MOG: variants seen among roughly 807,000 people sequenced by gnomAD.
MOG encodes the protein myelin oligodendrocyte glycoprotein.
In MOG, 20 loss-of-function variants were observed where a neutral mutation model predicts 35.9. That is an observed-to-expected ratio of 0.56 (90% confidence interval 0.39 to 0.81). The LOEUF is 0.81. MOG is among the 30% of genes least tolerant of loss of function. The pLI is 0.00. For missense variants in MOG, 251 were observed against 301.0 expected, an observed-to-expected ratio of 0.83 and a Z score of 1.23; for synonymous variants, 92 against 114.3, an observed-to-expected ratio of 0.80 and a Z score of 1.25.
At position 29,662,001 on chromosome 6, in the gene MOG, G is replaced by A. The variant is rs1048197991; in HGVS notation, c.436+2335G>A. 7 of 985,230 alleles carry A rather than the reference G, an allele frequency of 7.1e-6. No homozygotes were observed. The highest frequency in any genetic ancestry group is 7.2e-6 in the Non-Finnish European group (6 of 829,930). The allele number at this position is 985,230 out of a possible 1,614,324, so 61.0% of individuals were successfully genotyped here. On this transcript the variant is annotated intron_variant, in intron 2 of 7. Transcript: ENST00000376917. This position sits in a 1 kb window ranked among gnomAD's most constrained non-coding sequence, Gnocchi z 4.2. ...AGGGACGCTTTGTCTAGGCTTTGGA[G>A]CCAGGAAGTTGAGACAAATTTAGGA...
chr6:29,657,663 C>CTTTTTTTTTTTT (rs9278226), intron 1 of MOG, among the ~76,000 whole-genome samples: 5 of 110,044 alleles, frequency 4.5e-5, no homozygotes, highest in Non-Finnish European at 9.0e-5. Flanking sequence ...TTTTTCTTTT[C>CTTTTTTTTTTTT]TTTTTTTTTT....
At chr6:29,667,210 G>C (rs1334102018) in intron 3 of MOG, among the ~76,000 whole-genome samples, 1 of 152,148 alleles carries the variant, frequency 6.6e-6, no homozygotes, top group Admixed American at 6.5e-5. Context: ...ATTGTAGGGA[G>C]GATTAAAGTC....
Position 29,671,581 on chromosome 6 carries a change from T to C in MOG, c.*396T>C. On this transcript the variant is annotated 3_prime_UTR_variant, in exon 8 of 8. Transcript: ENST00000376917. ...TACAGTATGGTAACTTTGCAAATGGTGGTTGTTTCTTCCAAGACTCCAGCC... is the reference window on the plus strand; with the variant it reads ...TACAGTATGGTAACTTTGCAAATGGCGGTTGTTTCTTCCAAGACTCCAGCC... The C allele has an allele frequency of 1.3e-6, 1 of 769,628 alleles. No individual in the cohort carries two copies. The highest frequency in any genetic ancestry group is 2.3e-6 in the Non-Finnish European group (1 of 433,566). The allele number at this position is 769,628 out of a possible 1,614,324, so 47.7% of individuals were successfully genotyped here. A position where few individuals can be genotyped will look rare whatever the true frequency, so the allele number is the denominator to read the frequency against.
At chr6:29,667,519 C>G (rs1206098382) in intron 3 of MOG, 124 bp from the exon 4 acceptor site, 2 of 919,754 alleles carry the variant, frequency 2.2e-6, no homozygotes, top group African/African-American at 3.3e-5. Context: ...TTCCTACTCT[C>G]CTGAGGTTGT....
chr6:29,666,232 C>T lies in MOG; in HGVS notation c.517C>T (p.Leu173Phe), dbSNP rs2127524174. The T allele has an allele frequency of 6.2e-7, 1 of 1,612,132 alleles. No homozygotes were observed. Reference sequence around the variant, plus strand: ...GCTCCTCCTGCAGATCACTGTTGGCCTCATCTTCCTCTGCCTGCAGTACAG... The same window carrying T: ...GCTCCTCCTGCAGATCACTGTTGGCTTCATCTTCCTCTGCCTGCAGTACAG... ...PVLLLQITVG[L>F]IFLCLQYRLR... The change falls in exon 3 of 8, where the codon CTC becomes TTC. Residue 173 changes from leucine (L) to phenylalanine (F), a missense_variant. By Grantham distance (22) the Leu-to-Phe change is conservative. Coordinates refer to ENST00000376917, the MANE Select transcript of MOG (RefSeq NM_206809.4).
chr6:29,659,319 G>C lies in MOG; in HGVS notation c.89G>C (p.Gly30Ala). Reference protein sequence around the residue: ...LLLQVSSSYAGQFRVIGPRHP... With the variant: ...LLLQVSSSYAAQFRVIGPRHP... Reference sequence around the variant, plus strand: ...CTCTTCCTTTTGGTGTCTTGGACAGGGCAGTTCAGAGTGATAGGACCAAGA... The same window carrying C: ...CTCTTCCTTTTGGTGTCTTGGACAGCGCAGTTCAGAGTGATAGGACCAAGA... Residue 30 changes from glycine (G) to alanine (A), a missense_variant and splice_region_variant, in exon 2 of 8, where the codon GGG becomes GCG. Physicochemically the swap from Gly to Ala is moderately conservative, Grantham distance 60. Transcript: ENST00000376917. 6.2e-7 allele frequency: 1 copy of C among 1,612,936 alleles called. No homozygotes were observed. The highest frequency in any genetic ancestry group is 1.3e-5 in the African/African-American group (1 of 74,996).
Position 29,665,277 on chromosome 6 carries a change from G to C in MOG, c.437-875G>C, listed in dbSNP as rs540116121. 7.2e-4 allele frequency among the ~76,000 whole-genome samples: 109 copies of C among 151,784 alleles called. 1 individual carries two copies. The highest frequency in any genetic ancestry group is 2.5e-3 in the African/African-American group (105 of 41,396). ...ACGTCCAGCTAATTTTGTATTTTTA[G>C]TAGAAACAGGGTTTCTCCATGTTGG... On this transcript the variant is annotated intron_variant, in intron 2 of 7. Coordinates refer to ENST00000376917, the MANE Select transcript of MOG (RefSeq NM_206809.4).
At position 29,670,636 on chromosome 6, in the gene MOG, G is replaced by T. The variant is rs1360298307; in HGVS notation, c.710-65G>T. 1 of 1,600,426 alleles carries T rather than the reference G, an allele frequency of 6.2e-7. No homozygotes were observed. The highest frequency in any genetic ancestry group is 8.5e-7 in the Non-Finnish European group (1 of 1,173,470). Reference sequence around the variant, plus strand: ...TGTGGGTCACTCCAAATGTCCATAGGGAGGATGTGGGGAAGGTGCTATTCA... The same window carrying T: ...TGTGGGTCACTCCAAATGTCCATAGTGAGGATGTGGGGAAGGTGCTATTCA... On this transcript the variant is annotated intron_variant, in intron 6 of 7. Coordinates refer to ENST00000376917, the MANE Select transcript of MOG (RefSeq NM_206809.4). The surrounding 1 kb of genome is among the most constrained non-coding windows in gnomAD (Gnocchi z 4.2).
At chr6:29,669,394 G>A (rs900257122) in intron 5 of MOG, among the ~76,000 whole-genome samples, 3 of 151,778 alleles carry the variant, frequency 2.0e-5, no homozygotes, top group African/African-American at 7.3e-5. Context: ...GGGTTCAAGC[G>A]ATTCTCCTGC....
rs1036982002 is a variant in MOG at position 29,657,203 on chromosome 6, A to G, written c.-7A>G. 6.2e-7 allele frequency: 1 copy of G among 1,602,894 alleles called. No individual in the cohort carries two copies. The highest frequency in any genetic ancestry group is 1.3e-5 in the African/African-American group (1 of 74,602). ...GCGGGGGCTCTCTGTCCCCAGGAAC[A>G]GTAGAGATGGCAAGCTTATCAAGAC... On this transcript the variant is annotated 5_prime_UTR_variant, in exon 1 of 8. Coordinates refer to ENST00000376917, the MANE Select transcript of MOG (RefSeq NM_206809.4).
Position 29,667,905 on chromosome 6 carries a change from G to T in MOG, c.573G>T (p.Glu191Asp), listed in dbSNP as rs1386137432. 8.7e-6 allele frequency: 14 copies of T among 1,613,306 alleles called. No homozygotes were observed. The highest frequency in any genetic ancestry group is 5.0e-5 in the Admixed American group (3 of 60,000). The change falls in exon 5 of 8, where the codon GAG (glutamate) becomes GAT (aspartate). Residue 191 changes from glutamate (E) to aspartate (D), a missense_variant and splice_region_variant. Coordinates refer to ENST00000376917, the MANE Select transcript of MOG (RefSeq NM_206809.4). Reference sequence around the variant, plus strand: ...CATTTCCATTTGTTTCTCTTTCAGAGAATCTCCACCGGACTTTTGGTAAGT... The same window carrying T: ...CATTTCCATTTGTTTCTCTTTCAGATAATCTCCACCGGACTTTTGGTAAGT... ...RLRGKLRAEI[E>D]NLHRTFDPHF...
At position 29,657,264 on chromosome 6, in the gene MOG, C is replaced by T. The variant is rs909239151; in HGVS notation, c.55C>T (p.Leu19Phe). 13 of 1,606,248 alleles carry T rather than the reference C, an allele frequency of 8.1e-6. No individual in the cohort carries two copies. Among genetic ancestry groups the T allele is most frequent in the Admixed American group, 1.7e-5 (1 of 59,058 alleles). ...CAGCTGCCTCTGCTCCTTCCTCCTC[C>T]TCCTCCTCCTCCAAGTGTCTTCCAG... ...LPSCLCSFLL[L>F]LLLQVSSSYA... Residue 19 changes from leucine (L) to phenylalanine (F), a missense_variant, in exon 1 of 8, where the codon CTC (leucine) becomes TTC (phenylalanine). Physicochemically the swap from Leu to Phe is conservative, Grantham distance 22 (BLOSUM62 0). Transcript: ENST00000376917.
At position 29,671,698 on chromosome 6, in the gene MOG, A is replaced by C. The variant is rs1227883153; in HGVS notation, c.*513A>C. The C allele has an allele frequency of 5.1e-6, 3 of 591,236 alleles. No homozygotes were observed. Among genetic ancestry groups the C allele is most frequent in the Non-Finnish European group, 9.0e-6 (3 of 333,182 alleles). The allele number at this position is 591,236 out of a possible 1,614,324, so 36.6% of individuals were successfully genotyped here. A position where few individuals can be genotyped will look rare whatever the true frequency, so the allele number is the denominator to read the frequency against. ...GAGCTGAGTGAGCTGAAGAGTGAGG[A>C]TATGAGTAGCCCCAACCCAAACCTG... On this transcript the variant is annotated 3_prime_UTR_variant, in exon 8 of 8. Coordinates refer to ENST00000376917, the MANE Select transcript of MOG (RefSeq NM_206809.4).
At chr6:29,668,912 T>C (rs991123664) in intron 5 of MOG, among the ~76,000 whole-genome samples, 2 of 151,996 alleles carry the variant, frequency 1.3e-5, no homozygotes, top group Non-Finnish European at 2.9e-5. Flanking sequence ...ATTTGTGATA[T>C]AGTAACATAA....
At chr6:29,659,230 C>T in intron 1 of MOG, 89 bp from the exon 2 acceptor site, 1 of 1,180,664 alleles carries the variant, frequency 8.5e-7, no homozygotes, top group Non-Finnish European at 1.3e-6. Flanking sequence ...CTTCTTCCTT[C>T]CCTGTTTTGA....
chr6:29,671,454 C>T lies in MOG; in HGVS notation c.*269C>T, dbSNP rs770491649. On this transcript the variant is annotated 3_prime_UTR_variant, in exon 8 of 8. Coordinates refer to ENST00000376917, the MANE Select transcript of MOG (RefSeq NM_206809.4). ...CCTGGAAGCCCTCTCTGGCTAAGGA[C>T]AGGCAGGTGCCCCTCTCTCCATCAG... The T allele has an allele frequency of 2.5e-6, 4 of 1,580,594 alleles. No individual in the cohort carries two copies. The African/African-American group carries it at 4.0e-5, about 16-fold the overall frequency.
At chr6:29,668,720 T>C (rs898538575) in intron 5 of MOG, among the ~76,000 whole-genome samples, 1 of 152,204 alleles carries the variant, frequency 6.6e-6, no homozygotes, top group Non-Finnish European at 1.5e-5. Flanking sequence ...ATAGTATCTT[T>C]GTTTTGGAGG....
chr6:29,668,080 G>C (rs976026949), intron 5 of MOG, among the ~76,000 whole-genome samples, 156 bp downstream of exon 5: 1 of 151,996 alleles, frequency 6.6e-6, no homozygotes, highest in Non-Finnish European at 1.5e-5. Context: ...TTTAGGATTG[G>C]TAAAATCATA....
chr6:29,671,089 G>T, intron 7 of MOG, 83 bp from the exon 8 acceptor site: 1 of 1,612,736 alleles, frequency 6.2e-7, no homozygotes, highest in Non-Finnish European at 8.5e-7. Flanking sequence ...ATGACCCCAA[G>T]GGCTTTTCTT....
Sources: allele counts gnomAD v4.1 joint callset (sites outside exome capture counted in the v4.1 genomes callset), GRCh38; gene constraint gnomAD v4.1.1; non-coding constraint Gnocchi (gnomAD v3.1); transcripts MANE v1.5; gene names NCBI Gene and HGNC (gene_info 2026-07-23, HGNC 2026-07-21).